COG1: variants seen among roughly 807,000 people sequenced by gnomAD.
COG1 encodes conserved oligomeric Golgi complex subunit 1.
COG1 carries 61 observed loss-of-function variants against 102.2 expected under a neutral mutation model. The ratio of observed to expected loss-of-function variants is 0.60; its 90% CI spans 0.49 to 0.74. The LOEUF (loss-of-function observed/expected upper bound fraction) is 0.74. Ranked by LOEUF, COG1 falls within the 30% of genes least tolerant of loss-of-function variation. The probability of loss-of-function intolerance (pLI) is 0.00; values close to 1 mark genes in which losing one functional copy is unlikely to be tolerated. For synonymous variants in COG1, 454 were observed against 493.6 expected (o/e 0.92, Z 1.06); for missense variants, 1,164 against 1,232.1 (o/e 0.94, Z 0.83).
At position 73,200,776 on chromosome 17, in the gene COG1, G is replaced by C; in HGVS notation, c.1281G>C (p.Gln427His). 6.2e-7 allele frequency: 1 copy of C among 1,613,706 alleles called. No individual in the cohort carries two copies. The highest frequency in any genetic ancestry group is 8.5e-7 in the Non-Finnish European group (1 of 1,179,688). ...AGCAACTGTTCCTTGACCGATTACA[G>C]GTGAGCTGGACAGTCACATGGTCTA... ...MMQQLFLDRLQTLTKEGFDSI... is the reference protein window; with the variant it reads ...MMQQLFLDRLHTLTKEGFDSI... Residue 427 changes from glutamine (Q) to histidine (H), a missense_variant and splice_region_variant, in exon 6 of 14, where the codon CAG becomes CAC. Transcript: ENST00000299886.
intron 1 of COG1, among the ~76,000 whole-genome samples, chr17:73,193,774 G>A (rs2061312801): frequency 6.6e-6 from 1 of 151,902 alleles, no homozygotes; most frequent in African/African-American, 2.4e-5. Context: ...CCCCTATGTT[G>A]ACACCTGCAC....
rs1248264304 is a variant in COG1 at position 73,201,602 on chromosome 17, T to C, written c.1775T>C (p.Ile592Thr). The C allele has an allele frequency of 6.2e-6, 10 of 1,614,172 alleles. No homozygotes were observed. Among genetic ancestry groups the C allele is most frequent in the Non-Finnish European group, 5.9e-6 (7 of 1,180,030 alleles). ...VDCIRAELQS[I>T]EEGVQGQQDA... ...TGCATCCGGGCAGAGCTACAGAGCA[T>C]TGAAGAGGGTGTGCAAGGGCAACAG... The change falls in exon 7 of 14, where the codon ATT (isoleucine) becomes ACT (threonine). Residue 592 changes from isoleucine (I) to threonine (T), a missense_variant. Physicochemically the swap from Ile to Thr is moderately conservative, Grantham distance 89. Coordinates refer to ENST00000299886, the MANE Select transcript of COG1 (RefSeq NM_018714.3).
Position 73,200,637 on chromosome 17 carries a change from G to C in COG1, c.1142G>C (p.Gly381Ala), listed in dbSNP as rs2061343040. The change falls in exon 6 of 14, where the codon GGA (glycine) becomes GCA (alanine). Residue 381 changes from glycine to alanine, a missense_variant. Transcript: ENST00000299886. ...GTGAAGAGCATGAAGGGTCTCGCGG[G>C]AATCCGGGACGCCATGTGGGAGTTA... ...MYVKSMKGLA[G>A]IRDAMWELLT... 6.2e-7 allele frequency: 1 copy of C among 1,614,072 alleles called. No individual in the cohort carries two copies. The highest frequency in any genetic ancestry group is 1.1e-5 in the South Asian group (1 of 91,082).
intron 13 of COG1, 194 bp from the exon 14 acceptor site, chr17:73,208,120 T>C (rs1343774926): frequency 8.9e-6 from 13 of 1,460,858 alleles, no homozygotes; most frequent in Admixed American, 4.8e-5. Context: ...AATTCTAGTT[T>C]TGTCACAAAG....
chr17:73,206,311 C>T, intron 11 of COG1, 49 bp downstream of exon 11: 1 of 1,422,682 alleles, frequency 7.0e-7, no homozygotes, highest in Non-Finnish European at 9.9e-7. Context: ...GATACAGGCT[C>T]AAATAACAAA....
At chr17:73,193,516 C>G in intron 1 of COG1, 132 bp downstream of exon 1, 1 of 839,228 alleles carries the variant, frequency 1.2e-6, no homozygotes, top group East Asian at 3.2e-5. Context: ...GGAGCCTATC[C>G]GCCCCTCACC....
At chr17:73,194,740 A>G (rs1399845104) in intron 1 of COG1, among the ~76,000 whole-genome samples, 1 of 152,198 alleles carries the variant, frequency 6.6e-6, no homozygotes, top group East Asian at 1.9e-4. Context: ...ATGGGATTAC[A>G]GGCGCGAGAG....
Position 73,196,751 on chromosome 17 carries a change from G to A in COG1, c.560G>A (p.Arg187Gln), listed in dbSNP as rs374792279. ...IRQVAAASHF[R>Q]STILHESKML... is the part of the protein sequence containing the mutation. ...CAGGTGGCAGCCGCCAGCCACTTCC[G>A]GTAAGTGGATCCAGCGCAAAGAGCT... The change falls in exon 2 of 14, where the codon CGG becomes CAG. Residue 187 changes from arginine (R) to glutamine (Q), a missense_variant and splice_region_variant. By Grantham distance (43) the Arg-to-Gln change is conservative. Coordinates refer to ENST00000299886, the MANE Select transcript of COG1 (RefSeq NM_018714.3). 30 of 1,613,980 alleles carry A rather than the reference G, an allele frequency of 1.9e-5. No homozygotes were observed. The highest frequency in any genetic ancestry group is 1.6e-4 in the Middle Eastern group (1 of 6,082).
At chr17:73,197,679 G>A (rs1230308092) in intron 4 of COG1, among the ~76,000 whole-genome samples, 1 of 152,224 alleles carries the variant, frequency 6.6e-6, no homozygotes, top group African/African-American at 2.4e-5. Flanking sequence ...GGTCAGAGAA[G>A]GCTTCCCTGG....
At chr17:73,193,903 T>G (rs2061313506) in intron 1 of COG1, among the ~76,000 whole-genome samples, 1 of 152,096 alleles carries the variant, frequency 6.6e-6, no homozygotes, top group Non-Finnish European at 1.5e-5. Context: ...ATCAAGCCCT[T>G]AACTTTATGT....
chr17:73,200,408 GCT>G (rs1353615035), intron 5 of COG1, among the ~76,000 whole-genome samples, 156 bp from the exon 6 acceptor site: 2 of 152,128 alleles, frequency 1.3e-5, no homozygotes, highest in South Asian at 2.1e-4. Flanking sequence ...CAGCCAAAAC[GCT>G]CTGTGTTGCT....
At position 73,203,078 on chromosome 17, in the gene COG1, G is replaced by C; in HGVS notation, c.2152G>C (p.Glu718Gln). The C allele has an allele frequency of 6.2e-7, 1 of 1,614,198 alleles. No homozygotes were observed. The highest frequency in any genetic ancestry group is 8.5e-7 in the Non-Finnish European group (1 of 1,180,036). Reference sequence around the variant, plus strand: ...TCTGGCCACAGCCACCAGCTGGGATGAGCTAGAAATTCAGGAGGAGGCAGA... The same window carrying C: ...TCTGGCCACAGCCACCAGCTGGGATCAGCTAGAAATTCAGGAGGAGGCAGA... ...SVLATATSWD[E>Q]LEIQEEAESG... Residue 718 changes from glutamate to glutamine, a missense_variant, in exon 8 of 14, where the codon GAG becomes CAG. By Grantham distance (29) the Glu-to-Gln change is conservative. Coordinates refer to ENST00000299886, the MANE Select transcript of COG1 (RefSeq NM_018714.3).
chr17:73,196,765 G>A lies in COG1; in HGVS notation c.560+14G>A. The A allele has an allele frequency of 6.2e-7, 1 of 1,614,140 alleles. No individual in the cohort carries two copies. The highest frequency in any genetic ancestry group is 1.3e-5 in the African/African-American group (1 of 75,046). Reference sequence around the variant, plus strand: ...CAGCCACTTCCGGTAAGTGGATCCAGCGCAAAGAGCTGCTCTGGTGGTGGC... The same window carrying A: ...CAGCCACTTCCGGTAAGTGGATCCAACGCAAAGAGCTGCTCTGGTGGTGGC... On this transcript the variant is annotated intron_variant, in intron 2 of 13. Transcript: ENST00000299886.
chr17:73,197,180 C>T lies in COG1; in HGVS notation c.743-46C>T, dbSNP rs150838949. ...CCTCCAGAGCGTCCTCTGTCTTTCA[C>T]TTTGGGAAAGGTAATTGTTTCAAAG... On this transcript the variant is annotated intron_variant, in intron 3 of 13. Coordinates refer to ENST00000299886, the MANE Select transcript of COG1 (RefSeq NM_018714.3). 100 of 1,613,892 alleles carry T rather than the reference C, an allele frequency of 6.2e-5. No individual in the cohort carries two copies. In the East Asian group the frequency reaches 1.0e-3, roughly 17 times the overall value.
In COG1 at chr17:73,201,678, C is replaced by T. The variant is rs1050597655; in HGVS notation, c.1851C>T (p.Leu617=). 6 of 1,614,094 alleles carry T rather than the reference C, an allele frequency of 3.7e-6. No homozygotes were observed. In the African/African-American group the frequency reaches 8.0e-5, roughly 22 times the overall value. ...KLHSVLFMAR[L]CQSLGELCPH... is the part of the protein sequence containing the mutation. ...ACTCAGTTCTTTTCATGGCCAGACT[C>T]TGCCAGTCCCTGGGAGAGCTGTGCC... The change falls in exon 7 of 14, where the codon CTC becomes CTT. Residue 617 remains leucine, a synonymous_variant. Transcript: ENST00000299886.
chr17:73,204,327 C>T (rs1226991834), intron 9 of COG1, among the ~76,000 whole-genome samples: 1 of 152,130 alleles, frequency 6.6e-6, no homozygotes, highest in Non-Finnish European at 1.5e-5. Context: ...GTAGATAAAC[C>T]GCTCAGTGGT....
rs554175426 is a variant in COG1 at position 73,202,631 on chromosome 17, T to C, written c.2074-369T>C. ...GATGAAACCCCCTATCTACAAAAAGTACAGAAATTATTCGGATGTGATGGT... is the reference window on the plus strand; with the variant it reads ...GATGAAACCCCCTATCTACAAAAAGCACAGAAATTATTCGGATGTGATGGT... On this transcript the variant is annotated intron_variant, in intron 7 of 13. Transcript: ENST00000299886. 1.9e-4 allele frequency among the ~76,000 whole-genome samples: 29 copies of C among 151,960 alleles called. No homozygotes were observed. The East Asian group carries it at 5.3e-3, about 28-fold the overall frequency.
intron 1 of COG1, among the ~76,000 whole-genome samples, chr17:73,195,228 CAAAG>C (rs1249679995): frequency 1.3e-5 from 2 of 152,162 alleles, no homozygotes; most frequent in African/African-American, 2.4e-5. Flanking sequence ...GTTCACATTA[CAAAG>C]AAACAGAAGT....
At position 73,201,835 on chromosome 17, in the gene COG1, G is replaced by A. The variant is rs571615708; in HGVS notation, c.2008G>A (p.Val670Ile). Residue 670 changes from valine to isoleucine, a missense_variant, in exon 7 of 14, where the codon GTT becomes ATT. Coordinates refer to ENST00000299886, the MANE Select transcript of COG1 (RefSeq NM_018714.3). The part of the protein sequence containing the change: ...IIPTQAKWQE[V>I]KEVLLQQSVM... ...TCCTACACAGGCCAAGTGGCAAGAG[G>A]TTAAAGAAGTACTCCTCCAGCAGAG... 16 of 1,614,218 alleles carry A rather than the reference G, an allele frequency of 9.9e-6. No individual in the cohort carries two copies. In the African/African-American group the frequency reaches 1.7e-4, roughly 17 times the overall value.
Sources: allele counts gnomAD v4.1 joint callset (sites outside exome capture counted in the v4.1 genomes callset), GRCh38; gene constraint gnomAD v4.1.1; transcripts MANE v1.5; gene names NCBI Gene and HGNC (gene_info 2026-07-23, HGNC 2026-07-21).